The following L3MBTL4 variants were observed in gnomAD, a reference collection of about 807,000 sequenced individuals.
L3MBTL4 encodes the protein lethal(3)malignant brain tumor-like protein 4.
L3MBTL4 carries 70 observed loss-of-function variants against 84.5 expected under a neutral mutation model. The observed-to-expected ratio is 0.83, with a 90% confidence interval of 0.68 to 1.01. The LOEUF is 1.01. Ranked by LOEUF, L3MBTL4 falls within the 50% of genes least tolerant of loss-of-function variation. The probability of loss-of-function intolerance (pLI) is 0.00; values close to 1 mark genes in which losing one functional copy is unlikely to be tolerated. For synonymous variants in L3MBTL4, 274 were observed against 259.8 expected (o/e 1.05, Z -0.52); for missense variants, 715 against 754.8 (o/e 0.95, Z 0.62).
At chr18:6,336,302 C>T in intron 1 of L3MBTL4, among the ~76,000 whole-genome samples, 1 of 151,960 alleles carries the variant, frequency 6.6e-6, no homozygotes, top group East Asian at 1.9e-4. Context: ...ATGACATTTT[C>T]CTGGTTATAT....
At chr18:6,385,698 C>T (rs2054789721) in intron 1 of L3MBTL4, among the ~76,000 whole-genome samples, 1 of 152,116 alleles carries the variant, frequency 6.6e-6, no homozygotes, top group South Asian at 2.1e-4. Flanking sequence ...TAAATTAATT[C>T]TTTATCCTCT....
chr18:6,098,685 G>C (rs550105561), intron 14 of L3MBTL4, among the ~76,000 whole-genome samples: 2 of 152,168 alleles, frequency 1.3e-5, no homozygotes, highest in South Asian at 2.1e-4. Flanking sequence ...GACTGTAAAG[G>C]GTTCTCTAAA....
rs559491355 is a variant in L3MBTL4, at chr18:6,079,456, A to G, written c.1444+1425T>C. 1.1e-4 allele frequency among the ~76,000 whole-genome samples: 16 copies of G among 152,372 alleles called. 1 individual carries two copies. In the East Asian group the frequency reaches 3.1e-3, roughly 29 times the overall value. On this transcript the variant is annotated intron_variant, in intron 16 of 18. Coordinates refer to ENST00000317931, the MANE Select transcript of L3MBTL4 (RefSeq NM_001330559.2). ...AGTAAATGCATGAATAAATAAAAGCATATGGGTGTAAACTCCTTATACATG... is the reference window on the plus strand; with the variant it reads ...AGTAAATGCATGAATAAATAAAAGCGTATGGGTGTAAACTCCTTATACATG...
chr18:6,109,975 T>C (rs1260621397), intron 14 of L3MBTL4, among the ~76,000 whole-genome samples: 1 of 152,048 alleles, frequency 6.6e-6, no homozygotes, highest in Non-Finnish European at 1.5e-5. Context: ...CAGGCCGAGG[T>C]GGACTCGCAC....
chr18:5,998,288 C>G (rs61435053), intron 16 of L3MBTL4, among the ~76,000 whole-genome samples: 14,803 of 152,188 alleles, frequency 0.097, 1,764 homozygotes, highest in African/African-American at 0.24. Flanking sequence ...GCTGCCATAG[C>G]GGGAGGGGGA....
At chr18:6,076,482 G>T (rs1031966674) in intron 16 of L3MBTL4, among the ~76,000 whole-genome samples, 1 of 152,114 alleles carries the variant, frequency 6.6e-6, no homozygotes. Flanking sequence ...TGAGCTTCTG[G>T]TCATATGTTT....
chr18:6,384,379 C>T (rs1046125330), intron 1 of L3MBTL4, among the ~76,000 whole-genome samples: 2 of 152,124 alleles, frequency 1.3e-5, no homozygotes, highest in African/African-American at 4.8e-5. Context: ...ATTGGAGTCT[C>T]TCTGAAAAGA....
chr18:6,253,168 C>A (rs139169839), intron 5 of L3MBTL4, among the ~76,000 whole-genome samples: 2,306 of 152,292 alleles, frequency 0.015, 44 homozygotes, highest in African/African-American at 0.052. Flanking sequence ...CACCACTGCA[C>A]TCCAGCCTGG....
chr18:6,361,852 G>A (rs565264113), intron 1 of L3MBTL4, among the ~76,000 whole-genome samples: 11 of 152,146 alleles, frequency 7.2e-5, no homozygotes, highest in African/African-American at 2.4e-4. Context: ...GTGGCTGGGC[G>A]TGGTTGCAGT....
intron 14 of L3MBTL4, among the ~76,000 whole-genome samples, chr18:6,127,458 C>A (rs72874062): frequency 0.16 from 23,825 of 151,952 alleles, 2,034 homozygotes; most frequent in African/African-American, 0.22. Flanking sequence ...AGAGAGAATA[C>A]GAAATAAAAC....
chr18:6,160,189 G>A (rs184720953), intron 13 of L3MBTL4, among the ~76,000 whole-genome samples: 42 of 152,264 alleles, frequency 2.8e-4, no homozygotes, highest in Admixed American at 2.4e-3. Flanking sequence ...GAGGAGCAAG[G>A]GTGAAAATAC....
chr18:6,412,528 GC>G (rs2056011491), intron 1 of L3MBTL4, among the ~76,000 whole-genome samples: 1 of 152,088 alleles, frequency 6.6e-6, no homozygotes, highest in African/African-American at 2.4e-5. Flanking sequence ...TTCCTACGCA[GC>G]CTCCTGGAAG....
chr18:6,155,211 T>C (rs2043053352), intron 13 of L3MBTL4, among the ~76,000 whole-genome samples: 6 of 152,196 alleles, frequency 3.9e-5, no homozygotes, highest in Admixed American at 3.9e-4. Context: ...TACATGGCTT[T>C]CAGCTCATTG....
At chr18:6,078,439 C>CAAAAAAAAAAAAAAAA (rs769376748) in intron 16 of L3MBTL4, among the ~76,000 whole-genome samples, 3 of 43,770 alleles carry the variant, frequency 6.9e-5, no homozygotes, top group South Asian at 6.9e-4. Context: ...AAAAAAAAAA[C>CAAAAAAAAAAAAAAAA]AAAAAAAAAA....
At chr18:6,032,996 C>A (rs1237689802) in intron 16 of L3MBTL4, among the ~76,000 whole-genome samples, 1 of 152,072 alleles carries the variant, frequency 6.6e-6, no homozygotes, top group Non-Finnish European at 1.5e-5. Context: ...GACTGTATGC[C>A]GCTGTTGGGT....
rs74823635 is a variant in L3MBTL4 at position 6,155,890 on chromosome 18, A to G, written c.1096+15938T>C. Among the ~76,000 whole-genome samples, 9 of 152,174 alleles carry G rather than the reference A, an allele frequency of 5.9e-5. No homozygotes were observed. The East Asian group carries it at 1.7e-3, about 29-fold the overall frequency. On this transcript the variant is annotated intron_variant, in intron 13 of 18. Coordinates refer to ENST00000317931, the MANE Select transcript of L3MBTL4 (RefSeq NM_001330559.2). ...ATAATGTTTACATTAAAAATACTTGACTCTGTGTTCATTCCTAGGAGTCAT... is the reference window on the plus strand; with the variant it reads ...ATAATGTTTACATTAAAAATACTTGGCTCTGTGTTCATTCCTAGGAGTCAT...
chr18:6,129,651 C>A (rs1217159169), intron 14 of L3MBTL4, among the ~76,000 whole-genome samples: 2 of 152,048 alleles, frequency 1.3e-5, no homozygotes, highest in African/African-American at 4.8e-5. Flanking sequence ...CTCCTCTGAT[C>A]CCATGATTGC....
intron 1 of L3MBTL4, among the ~76,000 whole-genome samples, chr18:6,348,466 T>C (rs1325308293): frequency 2.6e-5 from 4 of 151,930 alleles, no homozygotes; most frequent in Non-Finnish European, 5.9e-5. Context: ...TAATTTTAAA[T>C]AAGGAAATAC....
At chr18:6,293,851 G>A (rs1229513741) in intron 4 of L3MBTL4, among the ~76,000 whole-genome samples, 1 of 152,206 alleles carries the variant, frequency 6.6e-6, no homozygotes, top group Non-Finnish European at 1.5e-5. Context: ...ATCTTCAAGA[G>A]TGTCCAGGTC....
Sources: allele counts gnomAD v4.1 joint callset (sites outside exome capture counted in the v4.1 genomes callset), GRCh38; gene constraint gnomAD v4.1.1; transcripts MANE v1.5; gene names NCBI Gene and HGNC (gene_info 2026-07-23, HGNC 2026-07-21).